PHF11: variants seen among roughly 807,000 people sequenced by gnomAD.
The protein encoded by PHF11 is PHD finger protein 11, also known as BRCA1 C-terminus-associated protein.
A neutral mutation model predicts 40.5 loss-of-function variants in PHF11; 38 were observed. That is an observed-to-expected ratio of 0.94 (90% CI 0.72 to 1.23). The LOEUF is 1.23. PHF11 is among the 50% of genes most tolerant of loss of function. The pLI is 0.00. For synonymous variants in PHF11, 127 were observed against 138.2 expected, an observed-to-expected ratio of 0.92 and a Z score of 0.57; for missense variants, 369 against 392.4, an observed-to-expected ratio of 0.94 and a Z score of 0.50.
chr13:49,497,687 A>C (rs1226099352), intron 1 of PHF11, among the ~76,000 whole-genome samples: 1 of 151,966 alleles, frequency 6.6e-6, no homozygotes, highest in Non-Finnish European at 1.5e-5. Flanking sequence ...CCTACTCAAA[A>C]CCCACCAATA....
At chr13:49,510,388 G>GT (rs1959067214) in intron 2 of PHF11, among the ~76,000 whole-genome samples, 2 of 151,978 alleles carry the variant, frequency 1.3e-5, no homozygotes, top group South Asian at 2.1e-4. Context: ...CATGTCTTAA[G>GT]TTTTTTCATT....
At chr13:49,496,145 G>A in intron 1 of PHF11, 50 bp downstream of exon 1, 1 of 1,066,654 alleles carries the variant, frequency 9.4e-7, no homozygotes, top group South Asian at 3.2e-5. Flanking sequence ...GGGCAGCGAC[G>A]GGCCCGGTCA....
chr13:49,506,898 CTTTTTTTTTTT>C lies in PHF11; in HGVS notation c.216+155_216+165del, dbSNP rs1169962633. On this transcript the variant is annotated intron_variant, in intron 2 of 9. Transcript: ENST00000378319. ...TTTAGGTGAAGATTGGGGAGCATTT[CTTTTTTTTTTT>C]TTTTTTTTTTTTGAGACGGAGTTTC... The C allele has an allele frequency of 1.2e-4, 17 of 144,044 alleles. 1 individual carries two copies. The Middle Eastern group carries it at 0.019, about 158-fold the overall frequency. 8.9% of individuals were successfully genotyped at this position (144,044 alleles called of 1,614,324 possible).
chr13:49,523,993 C>A, intron 7 of PHF11, 92 bp from the exon 8 acceptor site: 1 of 964,308 alleles, frequency 1.0e-6, no homozygotes, highest in Non-Finnish European at 1.5e-6. Flanking sequence ...GTGCATCCAC[C>A]ACTAGGCAAG....
chr13:49,521,257 A>C, intron 5 of PHF11: 1 of 1,028,816 alleles, frequency 9.7e-7, no homozygotes, highest in Non-Finnish European at 1.2e-6. Context: ...AAGAATTTTC[A>C]GTAGATAAAA....
At chr13:49,526,621 G>GCCCCCCCCC (rs1222135505) in intron 9 of PHF11, among the ~76,000 whole-genome samples, 163 bp downstream of exon 9, 17 of 145,788 alleles carry the variant, frequency 1.2e-4, no homozygotes, top group Non-Finnish European at 1.7e-4. Context: ...CCGCCCACCT[G>GCCCCCCCCC]CCCACACACA....
At chr13:49,496,307 C>T in intron 1 of PHF11, 1 of 832,846 alleles carries the variant, frequency 1.2e-6, no homozygotes, top group Non-Finnish European at 1.6e-6. Context: ...GGGCGCGGCC[C>T]AGGCCAGTTC....
chr13:49,521,854 T>C (rs1002719255), intron 5 of PHF11, 189 bp from the exon 6 acceptor site: 6 of 368,712 alleles, frequency 1.6e-5, no homozygotes, highest in Non-Finnish European at 2.5e-5. Context: ...TTTACCTGTT[T>C]TGCATTAAAC....
intron 1 of PHF11, 117 bp downstream of exon 1, chr13:49,496,212 C>A: frequency 1.4e-6 from 1 of 690,286 alleles, no homozygotes; most frequent in South Asian, 6.3e-5. Context: ...CTACTCCGGG[C>A]CGGGGCCCTA....
intron 1 of PHF11, 103 bp downstream of exon 1, chr13:49,496,198 G>A (rs1958803513): frequency 1.4e-6 from 1 of 737,338 alleles, no homozygotes; most frequent in Non-Finnish European, 1.9e-6. Context: ...GGCCCGACCT[G>A]CCCCTACTCC....
intron 9 of PHF11, among the ~76,000 whole-genome samples, 163 bp downstream of exon 9, chr13:49,526,621 G>GCCCCCCCC (rs1222135505): frequency 2.7e-4 from 39 of 145,774 alleles, no homozygotes; most frequent in South Asian, 6.5e-4. Flanking sequence ...CCGCCCACCT[G>GCCCCCCCC]CCCACACACA....
At chr13:49,523,322 T>C in intron 7 of PHF11, 81 bp downstream of exon 7, 1 of 889,156 alleles carries the variant, frequency 1.1e-6, no homozygotes, top group Non-Finnish European at 1.9e-6. Flanking sequence ...AAACTTGGTA[T>C]CCCGCCTAAA....
intron 2 of PHF11, among the ~76,000 whole-genome samples, chr13:49,507,050 C>G (rs1959009479): frequency 1.3e-5 from 2 of 151,722 alleles, no homozygotes; most frequent in Admixed American, 1.3e-4. Context: ...ACTACAGGTG[C>G]CCGCCACCAT....
Position 49,520,896 on chromosome 13 carries a change from T to C in PHF11, c.461T>C (p.Leu154Pro). 1 of 1,566,948 alleles carries C rather than the reference T, an allele frequency of 6.4e-7. No homozygotes were observed. The highest frequency in any genetic ancestry group is 8.7e-7 in the Non-Finnish European group (1 of 1,145,940). ...TTCTTTGAAATTAAATATTTCAGAC[T>C]GCTTTGCCAGCAACATGCTCAATTC... ...QSDGVRGIYK[L>P]LCQQHAQFPI... is the part of the protein sequence containing the mutation. The change falls in exon 5 of 10, where the codon CTG (leucine) becomes CCG (proline). Residue 154 changes from leucine to proline, a missense_variant and splice_region_variant. Physicochemically the swap from Leu to Pro is moderately conservative, Grantham distance 98 (BLOSUM62 -3). Transcript: ENST00000378319.
intron 3 of PHF11, among the ~76,000 whole-genome samples, chr13:49,513,858 C>T (rs922562032): frequency 1.3e-5 from 2 of 152,130 alleles, no homozygotes. Flanking sequence ...CCTCCTGTCC[C>T]CAACATCAGC....
chr13:49,503,762 T>A (rs7317398), intron 1 of PHF11, among the ~76,000 whole-genome samples: 2 of 152,166 alleles, frequency 1.3e-5, no homozygotes, highest in African/African-American at 4.8e-5. Context: ...AGACAGAGCC[T>A]CATTCTGTTG....
intron 7 of PHF11, 51 bp from the exon 8 acceptor site, chr13:49,524,034 G>C (rs772693868): frequency 6.6e-7 from 1 of 1,515,910 alleles, no homozygotes; most frequent in South Asian, 1.2e-5. Context: ...AGTAATTTAT[G>C]ATTAGCTGCC....
At chr13:49,527,309 G>A (rs924284542) in intron 9 of PHF11, 2 of 152,186 alleles carry the variant, frequency 1.3e-5, no homozygotes, top group Admixed American at 6.5e-5. Context: ...CGGGCACAGA[G>A]TCAAACAGCA....
chr13:49,517,948 A>T, intron 3 of PHF11, 70 bp from the exon 4 acceptor site: 3 of 863,170 alleles, frequency 3.5e-6, no homozygotes, highest in South Asian at 1.8e-5. Flanking sequence ...AATAACATTT[A>T]ATGATATCTT....
Sources: allele counts gnomAD v4.1 joint callset (sites outside exome capture counted in the v4.1 genomes callset), GRCh38; gene constraint gnomAD v4.1.1; transcripts MANE v1.5; gene names NCBI Gene and HGNC (gene_info 2026-07-23, HGNC 2026-07-21).